Variants in ASIC2 observed in about 807,000 individuals in gnomAD.
ASIC2 encodes the protein acid sensing ion channel subunit 2.
Under a neutral mutation model 57.3 loss-of-function variants are expected in ASIC2, and 25 were observed. The ratio of observed to expected loss-of-function variants is 0.44; its 90% CI spans 0.32 to 0.61. The LOEUF (loss-of-function observed/expected upper bound fraction) is 0.61, where lower values mean the gene tolerates loss of function less well. Ranked by LOEUF, ASIC2 falls within the 20% of genes least tolerant of loss-of-function variation. ASIC2 has a pLI of 0.06. For synonymous variants in ASIC2, 319 were observed against 307.5 expected (o/e 1.04, Z -0.39); for missense variants, 641 against 738.1 (o/e 0.87, Z 1.52).
intron 1 of ASIC2, among the ~76,000 whole-genome samples, chr17:33,416,419 A>G (rs1248254299): frequency 2.0e-5 from 3 of 152,158 alleles, no homozygotes; most frequent in African/African-American, 4.8e-5. Context: ...GGCATCACCA[A>G]TCTTCTCTGC....
intron 1 of ASIC2, among the ~76,000 whole-genome samples, chr17:33,670,970 C>A (rs149758003): frequency 6.6e-6 from 1 of 152,280 alleles, no homozygotes; most frequent in African/African-American, 2.4e-5. Context: ...GTCAGATTTC[C>A]TGTTCCTTCA....
chr17:33,014,478 T>C (rs2091795392), intron 9 of ASIC2, among the ~76,000 whole-genome samples: 1 of 151,818 alleles, frequency 6.6e-6, no homozygotes, highest in Middle Eastern at 3.2e-3. Context: ...GACCCATGGC[T>C]GAGGCCAAGC....
intron 1 of ASIC2, among the ~76,000 whole-genome samples, chr17:33,963,198 C>T (rs1904978902): frequency 6.6e-6 from 1 of 152,146 alleles, no homozygotes; most frequent in Non-Finnish European, 1.5e-5. Context: ...CTCCCAACTA[C>T]ACTTCTACCA....
chr17:33,349,554 C>G (rs936301933), intron 1 of ASIC2, among the ~76,000 whole-genome samples: 1 of 152,194 alleles, frequency 6.6e-6, no homozygotes, highest in Non-Finnish European at 1.5e-5. Flanking sequence ...CTTCCTGCTC[C>G]CCTCATCCCG....
intron 2 of ASIC2, among the ~76,000 whole-genome samples, chr17:33,093,547 G>A (rs976572228): frequency 1.3e-5 from 2 of 152,134 alleles, no homozygotes; most frequent in East Asian, 1.9e-4. Context: ...CGCAGACAGC[G>A]TAACATGAAA....
intron 1 of ASIC2, among the ~76,000 whole-genome samples, chr17:33,376,998 T>A (rs1909302653): frequency 6.6e-6 from 1 of 152,170 alleles, no homozygotes; most frequent in Admixed American, 6.5e-5. Context: ...CCCTATAATC[T>A]TTAAGAAGAA....
At chr17:34,004,118 C>G (rs1362938658) in intron 1 of ASIC2, 1 of 152,074 alleles carries the variant, frequency 6.6e-6, no homozygotes, top group Non-Finnish European at 1.5e-5. Context: ...TTGTTGAGTA[C>G]TTTATCTCTT....
intron 1 of ASIC2, among the ~76,000 whole-genome samples, chr17:33,555,236 G>A (rs1915871551): frequency 6.6e-6 from 1 of 152,144 alleles, no homozygotes; most frequent in South Asian, 2.1e-4. Context: ...TCCCACTTAT[G>A]CTTTTGGTCC....
intron 1 of ASIC2, among the ~76,000 whole-genome samples, chr17:34,077,233 G>A (rs556721340): frequency 2.8e-4 from 42 of 152,290 alleles, no homozygotes; most frequent in Middle Eastern, 6.8e-3. Flanking sequence ...TCCACTGTGT[G>A]TAGCTGTGCT....
rs368065273 is a variant in ASIC2 at position 33,230,906 on chromosome 17, T to A, written c.708+60502A>T. ...GTTCTATATGGTTTCAATATAGGCG[T>A]CTTTAAAAAATTATTGATTTAAAAA... On this transcript the variant is annotated intron_variant, in intron 1 of 9. Coordinates refer to ENST00000225823, the MANE Select transcript of ASIC2 (RefSeq NM_183377.2). 1.1e-4 allele frequency among the ~76,000 whole-genome samples: 16 copies of A among 152,270 alleles called. No homozygotes were observed. The East Asian group carries it at 1.7e-3, about 17-fold the overall frequency.
At chr17:33,791,572 A>G (rs1171112166) in intron 1 of ASIC2, among the ~76,000 whole-genome samples, 1 of 152,166 alleles carries the variant, frequency 6.6e-6, no homozygotes, top group African/African-American at 2.4e-5. Context: ...TTTCACAGGC[A>G]GGAAGTAGTG....
intron 1 of ASIC2, among the ~76,000 whole-genome samples, chr17:34,007,293 G>A (rs1239993799): frequency 1.3e-5 from 2 of 152,212 alleles, no homozygotes; most frequent in African/African-American, 4.8e-5. Context: ...GGGAGCCTTT[G>A]AACTCATCTT....
At chr17:33,773,355 A>G (rs140825881) in intron 1 of ASIC2, among the ~76,000 whole-genome samples, 234 of 152,294 alleles carry the variant, frequency 1.5e-3, no homozygotes, top group African/African-American at 5.2e-3. Flanking sequence ...CCAGATTGCC[A>G]TTAAAACCCC....
intron 1 of ASIC2, among the ~76,000 whole-genome samples, chr17:33,287,978 G>T (rs999039555): frequency 4.6e-5 from 7 of 152,170 alleles, no homozygotes; most frequent in Non-Finnish European, 1.0e-4. Flanking sequence ...CTTGTTGCAG[G>T]CTACACAAGA....
chr17:33,840,735 T>A (rs549587029), intron 1 of ASIC2, among the ~76,000 whole-genome samples: 1 of 151,712 alleles, frequency 6.6e-6, no homozygotes, highest in African/African-American at 2.4e-5. Context: ...GTGATTGCTT[T>A]AAATAAAGAC....
At chr17:33,445,436 T>A (rs1263630769) in intron 1 of ASIC2, among the ~76,000 whole-genome samples, 1 of 151,586 alleles carries the variant, frequency 6.6e-6, no homozygotes, top group Non-Finnish European at 1.5e-5. Context: ...GTCTCTAAAA[T>A]AAAATAAATT....
chr17:33,026,176 T>C (rs755553326), intron 4 of ASIC2, among the ~76,000 whole-genome samples, 194 bp from the exon 5 acceptor site: 1 of 152,188 alleles, frequency 6.6e-6, no homozygotes, highest in African/African-American at 2.4e-5. Context: ...TGATCTGCTA[T>C]GTAAGCTTGG....
intron 1 of ASIC2, among the ~76,000 whole-genome samples, chr17:33,723,007 C>T (rs762189960): frequency 6.6e-6 from 1 of 152,202 alleles, no homozygotes; most frequent in Non-Finnish European, 1.5e-5. Flanking sequence ...ACTGGCAATT[C>T]TAACAAAGGT....
intron 1 of ASIC2, among the ~76,000 whole-genome samples, chr17:33,691,139 T>C (rs1421334170): frequency 6.6e-6 from 1 of 152,226 alleles, no homozygotes; most frequent in Admixed American, 6.5e-5. Context: ...TGGATATTTA[T>C]ATTACTTCCA....
Sources: gnomAD v4.1 joint callset for allele counts (sites outside exome capture counted in the v4.1 genomes callset) on GRCh38, gnomAD v4.1.1 for gene constraint, MANE v1.5 for transcripts, NCBI Gene and HGNC (gene_info 2026-07-23, HGNC 2026-07-21) for gene names.